The following MASP1 variants were observed in gnomAD, a reference collection of about 807,000 sequenced individuals.
MASP1 encodes mannan-binding lectin serine protease 1.
In MASP1, 59 loss-of-function variants were observed where a neutral mutation model predicts 77.1. The observed-to-expected ratio is 0.77, with a 90% CI of 0.62 to 0.95. The LOEUF (loss-of-function observed/expected upper bound fraction) is 0.95, where lower values mean the gene tolerates loss of function less well. Among genes scored for constraint, MASP1 ranks in the 40% least tolerant of loss-of-function variants. MASP1 has a pLI of 0.00. For synonymous variants in MASP1, 362 were observed against 354.5 expected, an observed-to-expected ratio of 1.02 and a Z score of -0.24; for missense variants, 885 against 912.9, an observed-to-expected ratio of 0.97 and a Z score of 0.39.
intron 2 of MASP1, among the ~76,000 whole-genome samples, chr3:187,279,625 T>C (rs915976925): frequency 6.6e-6 from 1 of 152,232 alleles, no homozygotes; most frequent in African/African-American, 2.4e-5. Context: ...ATAACCTTTC[T>C]GGGCTTTACG....
intron 8 of MASP1, 157 bp from the exon 9 acceptor site, chr3:187,243,778 G>A: frequency 1.2e-6 from 1 of 860,280 alleles, no homozygotes. Flanking sequence ...GGGGTGTGCA[G>A]TGTACAGCCT....
rs140674490 is a variant in MASP1, at chr3:187,257,387, T to C, written c.548-527A>G. 4.1e-3 allele frequency among the ~76,000 whole-genome samples: 628 copies of C among 152,268 alleles called. 5 individuals are homozygous for C. The highest frequency in any genetic ancestry group is 0.014 in the African/African-American group (597 of 41,550). On this transcript the variant is annotated intron_variant, in intron 4 of 10. Transcript: ENST00000296280. ...ACTTATTTTATTTTATTTTATTTTA[T>C]TGAGACAGAACTTTACTATGTCACC...
intron 11 of MASP1, among the ~76,000 whole-genome samples, chr3:187,228,733 G>A (rs144610536): frequency 3.3e-5 from 5 of 152,160 alleles, no homozygotes; most frequent in Admixed American, 1.3e-4. Context: ...CCTCAGCCCT[G>A]TCTGGCCCTA....
intron 2 of MASP1, among the ~76,000 whole-genome samples, chr3:187,282,687 T>G (rs1717531445): frequency 6.6e-6 from 1 of 152,076 alleles, no homozygotes; most frequent in Non-Finnish European, 1.5e-5. Flanking sequence ...TGAGCACCAG[T>G]AGTCAGCCAA....
At chr3:187,219,112 G>A (rs1330425842) in exon 16 of MASP1, 5 of 152,368 alleles carry the variant, frequency 3.3e-5, no homozygotes, top group Admixed American at 2.6e-4. Context: ...GGAAAGGGGT[G>A]GGTATTTCAG....
chr3:187,241,361 A>G, intron 10 of MASP1, 120 bp downstream of exon 10: 1 of 820,342 alleles, frequency 1.2e-6, no homozygotes, highest in Admixed American at 1.8e-5. Context: ...GACATCTCTT[A>G]AAAAGCAACC....
chr3:187,284,312 T>C (rs1717671577), intron 2 of MASP1, among the ~76,000 whole-genome samples: 1 of 152,220 alleles, frequency 6.6e-6, no homozygotes, highest in South Asian at 2.1e-4. Flanking sequence ...TTCTGGGACA[T>C]TGAACAACAT....
downstream of MASP1, among the ~76,000 whole-genome samples, chr3:187,230,251 G>A (rs1268446416): frequency 1.3e-5 from 2 of 152,210 alleles, no homozygotes; most frequent in East Asian, 3.8e-4. Flanking sequence ...TTACAGAAGA[G>A]AAAGTCATTC....
chr3:187,291,583 T>C, intron 1 of MASP1, 45 bp downstream of exon 1: 3 of 1,613,572 alleles, frequency 1.9e-6, no homozygotes, highest in South Asian at 2.2e-5. Context: ...TATTTGACAC[T>C]GGTCCCCAAA....
intron 1 of MASP1, among the ~76,000 whole-genome samples, chr3:187,289,030 C>T (rs1223798978): frequency 6.6e-6 from 1 of 152,178 alleles, no homozygotes; most frequent in South Asian, 2.1e-4. Context: ...TTCCTCGTCA[C>T]ACTCTCTGAA....
At chr3:187,245,132 C>T (rs1560246972) in intron 8 of MASP1, among the ~76,000 whole-genome samples, 1 of 152,240 alleles carries the variant, frequency 6.6e-6, no homozygotes, top group Non-Finnish European at 1.5e-5. Flanking sequence ...TCCAAAAGTA[C>T]AGATGCTCTT....
At position 187,228,464 on chromosome 3, in the gene MASP1, A is replaced by G. The variant is rs540349238; in HGVS notation, c.1441+1296T>C. On this transcript the variant is annotated intron_variant, in intron 11 of 15. Coordinates refer to the MASP1 transcript ENST00000337774. ...CTCCACACCACTCTGCTTCTCTCCA[A>G]CTTCCCTTCAGGTCCCTCCTTCCCT... 2.6e-5 allele frequency among the ~76,000 whole-genome samples: 4 copies of G among 151,898 alleles called. No homozygotes were observed. In the East Asian group the frequency reaches 7.8e-4, roughly 29 times the overall value.
At position 187,256,844 on chromosome 3, in the gene MASP1, G is replaced by A; in HGVS notation, c.564C>T (p.Asn188=). Residue 188 remains asparagine (N), a synonymous_variant, in exon 5 of 11, where the codon AAC becomes AAT. Transcript: ENST00000296280. ...TCACCCCAGTCCTTTGAGTGAAGAGGTTGTCACTGCACTCCACTGTTGGAA... is the reference window on the plus strand; with the variant it reads ...TCACCCCAGTCCTTTGAGTGAAGAGATTGTCACTGCACTCCACTGTTGGAA... ...NRTCRVECSD[N]LFTQRTGVIT... The A allele has an allele frequency of 1.9e-6, 3 of 1,613,838 alleles. No homozygotes were observed. The highest frequency in any genetic ancestry group is 2.7e-5 in the African/African-American group (2 of 74,948).
intron 2 of MASP1, among the ~76,000 whole-genome samples, chr3:187,280,427 T>C (rs1443175500): frequency 2.0e-5 from 3 of 152,232 alleles, no homozygotes; most frequent in Non-Finnish European, 4.4e-5. Flanking sequence ...ATAGATGCCA[T>C]GAAATGAACT....
At chr3:187,268,837 T>A (rs1404560074) in intron 2 of MASP1, among the ~76,000 whole-genome samples, 7 of 151,836 alleles carry the variant, frequency 4.6e-5, no homozygotes, top group Non-Finnish European at 1.0e-4. Flanking sequence ...GAGGCCAAGG[T>A]GGGTGGATAA....
chr3:187,280,512 T>C (rs1717325808), intron 2 of MASP1, among the ~76,000 whole-genome samples: 1 of 152,226 alleles, frequency 6.6e-6, no homozygotes, highest in African/African-American at 2.4e-5. Context: ...TCCATAACTA[T>C]AGCTTCATAG....
intron 7 of MASP1, among the ~76,000 whole-genome samples, chr3:187,251,038 A>C (rs746922034): frequency 1.3e-5 from 2 of 152,112 alleles, no homozygotes; most frequent in African/African-American, 2.4e-5. Flanking sequence ...AGCTCACTGC[A>C]ACCTCTGCCT....
chr3:187,265,576 C>G (rs1236053182), intron 2 of MASP1, among the ~76,000 whole-genome samples: 1 of 152,148 alleles, frequency 6.6e-6, no homozygotes, highest in Admixed American at 6.5e-5. Context: ...GGGAATTCAG[C>G]CTGCAGCTCA....
downstream of MASP1, among the ~76,000 whole-genome samples, chr3:187,233,411 T>C (rs1002596897): frequency 2.0e-5 from 3 of 152,102 alleles, no homozygotes; most frequent in Non-Finnish European, 4.4e-5. Flanking sequence ...TTCCCTCCTA[T>C]CTCCCACACA....
Sources: gnomAD v4.1 joint callset for allele counts (sites outside exome capture counted in the v4.1 genomes callset) on GRCh38, gnomAD v4.1.1 for gene constraint, MANE v1.5 for transcripts, NCBI Gene and HGNC (gene_info 2026-07-23, HGNC 2026-07-21) for gene names.